The following VIPR2 variants were observed in gnomAD, a reference collection of about 807,000 sequenced individuals.
The protein encoded by VIPR2 is vasoactive intestinal peptide receptor 2, also known as vasoactive intestinal polypeptide receptor 2.
VIPR2 carries 48 observed loss-of-function variants against 58.0 expected under a neutral mutation model. The ratio of observed to expected loss-of-function variants is 0.83; its 90% CI spans 0.66 to 1.05. The LOEUF is 1.05. VIPR2 is among the 50% of genes least tolerant of loss of function. The probability of loss-of-function intolerance (pLI) is 0.00; values close to 1 mark genes in which losing one functional copy is unlikely to be tolerated. For synonymous variants in VIPR2, 243 were observed against 235.2 expected, an observed-to-expected ratio of 1.03 and a Z score of -0.30; for missense variants, 534 against 558.0, an observed-to-expected ratio of 0.96 and a Z score of 0.43.
At position 159,093,677 on chromosome 7, in the gene VIPR2, C is replaced by T. The variant is rs972253362; in HGVS notation, c.357+10080G>A. ...GGTCCAGACATGGAAGACCCCACAG[C>T]GTCCCTGGGTTCGGAGATGGGAGAC... is the stretch of plus-strand genomic sequence containing the variant. On this transcript the variant is annotated intron_variant, in intron 4 of 12. Coordinates refer to ENST00000262178, the MANE Select transcript of VIPR2 (RefSeq NM_003382.5). This position sits in a 1 kb window ranked among gnomAD's most constrained non-coding sequence, Gnocchi z 6.7. Among the ~76,000 whole-genome samples, 9 of 151,784 alleles carry T rather than the reference C, an allele frequency of 5.9e-5. No individual in the cohort carries two copies. Among genetic ancestry groups the T allele is most frequent in the African/African-American group, 1.7e-4 (7 of 41,300 alleles).
chr7:159,067,355 T>A (rs1336770067), intron 4 of VIPR2, among the ~76,000 whole-genome samples: 3 of 152,246 alleles, frequency 2.0e-5, no homozygotes, highest in African/African-American at 7.2e-5. Flanking sequence ...AGCTCTGGAT[T>A]CCAGGTGTGT....
At position 159,119,089 on chromosome 7, in the gene VIPR2, TTGGAATGCAGAGGC is replaced by T. The variant is rs1796353570; in HGVS notation, c.152-9184_152-9171del. Among the ~76,000 whole-genome samples, 9 of 152,306 alleles carry T rather than the reference TTGGAATGCAGAGGC, an allele frequency of 5.9e-5. No individual in the cohort carries two copies. The South Asian group carries it at 1.9e-3, about 32-fold the overall frequency. On this transcript the variant is annotated intron_variant, in intron 2 of 12. Transcript: ENST00000262178. ...GTGTACCCAGGGCTGAGGCCCAGCC[TTGGAATGCAGAGGC>T]TGGAATGGGGTCACCATGTAGGGTG... is the stretch of plus-strand genomic sequence containing the variant.
chr7:159,050,354 C>CAAAAAAAAAAAAAAAAAAA (rs11302236), intron 5 of VIPR2, among the ~76,000 whole-genome samples: 3 of 139,166 alleles, frequency 2.2e-5, no homozygotes. Context: ...CACAAAAAAA[C>CAAAAAAAAAAAAAAAAAAA]AAAAAAAAAA....
rs1797626829 is a variant in VIPR2, at chr7:159,144,855, C to T, written c.-84G>A. 8.4e-7 allele frequency: 1 copy of T among 1,195,614 alleles called. No individual in the cohort carries two copies. Among genetic ancestry groups the T allele is most frequent in the Non-Finnish European group, 1.0e-6 (1 of 956,854 alleles). The allele number at this position is 1,195,614 out of a possible 1,614,324, so 74.1% of individuals were successfully genotyped here. A position where few individuals can be genotyped will look rare whatever the true frequency, so the allele number is the denominator to read the frequency against. On this transcript the variant is annotated 5_prime_UTR_variant, in exon 1 of 13. Coordinates refer to ENST00000262178, the MANE Select transcript of VIPR2 (RefSeq NM_003382.5). ...CGGTTCCGCCGCCTCCAGCATGGGCCGGGAGCGAGTGCGCGGAGACCTCGG... is the reference window on the plus strand; with the variant it reads ...CGGTTCCGCCGCCTCCAGCATGGGCTGGGAGCGAGTGCGCGGAGACCTCGG...
chr7:159,055,683 T>G (rs967340991), intron 5 of VIPR2, among the ~76,000 whole-genome samples: 1 of 152,130 alleles, frequency 6.6e-6, no homozygotes, highest in Middle Eastern at 3.2e-3. Context: ...TTCCCTCTCT[T>G]ATTTTTTCTC....
intron 4 of VIPR2, among the ~76,000 whole-genome samples, chr7:159,101,762 G>A (rs1291793961): frequency 4.6e-5 from 6 of 131,720 alleles, no homozygotes; most frequent in Non-Finnish European, 6.3e-5. Flanking sequence ...AGGCGGTTCC[G>A]ACTGTTCCTG....
intron 2 of VIPR2, among the ~76,000 whole-genome samples, chr7:159,130,871 G>C (rs1253237721): frequency 6.6e-6 from 1 of 152,192 alleles, no homozygotes; most frequent in Non-Finnish European, 1.5e-5. Context: ...AATCTCCTGG[G>C]ATGGGAGGAA....
At chr7:159,130,666 G>C (rs184883196) in intron 2 of VIPR2, among the ~76,000 whole-genome samples, 54 of 152,332 alleles carry the variant, frequency 3.5e-4, no homozygotes, top group African/African-American at 1.3e-3. Flanking sequence ...CCTTTGATGA[G>C]GTGATTTGAG....
intron 4 of VIPR2, among the ~76,000 whole-genome samples, chr7:159,102,948 G>A (rs115022290): frequency 0.014 from 2,107 of 152,308 alleles, 46 homozygotes; most frequent in African/African-American, 0.048. Flanking sequence ...CCACCCACAC[G>A]GTGCTGCCAG....
rs534141998 is a variant in VIPR2 at position 159,115,162 on chromosome 7, C to T, written c.152-5243G>A. On this transcript the variant is annotated intron_variant, in intron 2 of 12. Transcript: ENST00000262178. ...TTGCAGCCGCCGCATTTGAATGCTC[C>T]GCAGTGGAACTTGGCTGGTAGCCAT... 9.2e-5 allele frequency among the ~76,000 whole-genome samples: 14 copies of T among 152,338 alleles called. 1 individual carries two copies. In the South Asian group the frequency reaches 2.1e-3, roughly 23 times the overall value.
intron 4 of VIPR2, among the ~76,000 whole-genome samples, chr7:159,100,515 G>A (rs563082676): frequency 6.6e-6 from 1 of 152,190 alleles, no homozygotes; most frequent in Non-Finnish European, 1.5e-5. Context: ...TGAACACAAT[G>A]ACAGTGGGTT....
rs548996799 is a variant in VIPR2 at position 159,068,243 on chromosome 7, C to G, written c.358-9665G>C. On this transcript the variant is annotated intron_variant, in intron 4 of 12. Transcript: ENST00000262178. ...CCGTGAGGGGAGAGTCAGCCCAGCC[C>G]CAGGGTTCTTGCCTTTGGGACTCAA... Among the ~76,000 whole-genome samples, 12 of 152,302 alleles carry G rather than the reference C, an allele frequency of 7.9e-5. No homozygotes were observed. In the South Asian group the frequency reaches 2.3e-3, roughly 29 times the overall value.
chr7:159,124,155 A>G (rs1374982525), intron 2 of VIPR2, among the ~76,000 whole-genome samples: 1 of 150,934 alleles, frequency 6.6e-6, no homozygotes, highest in Non-Finnish European at 1.5e-5. Flanking sequence ...GTTTAATTAG[A>G]CTCCATTTGT....
chr7:159,121,576 T>C (rs187820249), intron 2 of VIPR2, among the ~76,000 whole-genome samples: 52 of 152,376 alleles, frequency 3.4e-4, no homozygotes, highest in Non-Finnish European at 6.0e-4. Context: ...ATTATACATA[T>C]GGAAATCTTC....
Position 159,035,224 on chromosome 7 carries a change from G to A in VIPR2, c.810-574C>T, listed in dbSNP as rs115468109. On this transcript the variant is annotated intron_variant, in intron 8 of 12. Coordinates refer to ENST00000262178, the MANE Select transcript of VIPR2 (RefSeq NM_003382.5). ...CCATAAAGCAGAATCTCCATTGCAG[G>A]CTTGGGTCCATGCTTTCCCTCGGGG... is the stretch of plus-strand genomic sequence containing the variant. 8.0e-3 allele frequency among the ~76,000 whole-genome samples: 1,212 copies of A among 152,280 alleles called. 13 individuals are homozygous for A. The highest frequency in any genetic ancestry group is 0.027 in the African/African-American group (1,115 of 41,562).
rs1796759873 is a variant in VIPR2, at chr7:159,128,919, C to T, written c.151+13527G>A. On this transcript the variant is annotated intron_variant, in intron 2 of 12. Transcript: ENST00000262178. The surrounding 1 kb of genome is among the most constrained non-coding windows in gnomAD (Gnocchi z 4.1). ...TTCTTCCATCTGCTGCACACCAAAG[C>T]CCACCACCCTTCAAGCTCCAGGGCA... Among the ~76,000 whole-genome samples the T allele has an allele frequency of 6.6e-6, 1 of 152,200 alleles. No homozygotes were observed. Among genetic ancestry groups the T allele is most frequent in the African/African-American group, 2.4e-5 (1 of 41,458 alleles).
chr7:159,037,019 C>T (rs1215349105), intron 6 of VIPR2, 117 bp from the exon 7 acceptor site: 14 of 1,241,198 alleles, frequency 1.1e-5, no homozygotes, highest in Non-Finnish European at 1.5e-5. Flanking sequence ...GAAGGAGACA[C>T]CGGTGCCATT....
intron 2 of VIPR2, among the ~76,000 whole-genome samples, chr7:159,131,959 C>A (rs534670422): frequency 1.4e-4 from 21 of 152,266 alleles, no homozygotes; most frequent in Non-Finnish European, 2.6e-4. Context: ...CTTTAATAAT[C>A]GTATCAACGA....
intron 4 of VIPR2, among the ~76,000 whole-genome samples, chr7:159,103,196 G>A (rs1858405992): frequency 6.6e-6 from 1 of 152,200 alleles, no homozygotes; most frequent in South Asian, 2.1e-4. Context: ...CCAGATCACT[G>A]CAGCAAGTTT....
Sources: allele counts gnomAD v4.1 joint callset (sites outside exome capture counted in the v4.1 genomes callset), GRCh38; gene constraint gnomAD v4.1.1; non-coding constraint Gnocchi (gnomAD v3.1); transcripts MANE v1.5; gene names NCBI Gene and HGNC (gene_info 2026-07-23, HGNC 2026-07-21).